ZNF71: variants seen among roughly 807,000 people sequenced by gnomAD.
ZNF71 encodes endothelial zinc finger protein induced by tumor necrosis factor alpha.
Under a neutral mutation model 6.7 loss-of-function variants are expected in ZNF71, and 3 were observed. That is an observed-to-expected ratio of 0.45 (90% confidence interval 0.20 to 1.16). The LOEUF (loss-of-function observed/expected upper bound fraction) is 1.16. Among genes scored for constraint, ZNF71 ranks in the 50% most tolerant of loss-of-function variants. The pLI, the probability that ZNF71 is intolerant of heterozygous loss-of-function variation, is 0.25. For synonymous variants in ZNF71, 343 were observed against 311.1 expected, an observed-to-expected ratio of 1.10 and a Z score of -1.08; for missense variants, 688 against 728.6, an observed-to-expected ratio of 0.94 and a Z score of 0.64.
rs568975591 is a variant in ZNF71, at chr19:56,622,766, G to C, written c.*9G>C. Reference sequence around the variant, plus strand: ...TGCGGATTCACACCTGAGCGCCTCTGTGCAGGGCTCTCACTGGCGGTGCCC... The same window carrying C: ...TGCGGATTCACACCTGAGCGCCTCTCTGCAGGGCTCTCACTGGCGGTGCCC... On this transcript the variant is annotated 3_prime_UTR_variant, in exon 4 of 4. Transcript: ENST00000599599. The C allele has an allele frequency of 4.4e-6, 7 of 1,581,904 alleles. No homozygotes were observed. Among genetic ancestry groups the C allele is most frequent in the Admixed American group, 3.5e-5 (2 of 57,886 alleles).
rs8110702 is a variant in ZNF71 at position 56,613,230 on chromosome 19, A to G, written c.34-582A>G. On this transcript the variant is annotated intron_variant, in intron 2 of 3. Transcript: ENST00000599599. This position sits in a 1 kb window ranked among gnomAD's most constrained non-coding sequence, Gnocchi z 4.6. ...CCCAGAATCTCCCACTAAAGACCCA[A>G]CCACCAGTTCTCTTCACAGACTACT... is the stretch of plus-strand genomic sequence containing the variant. Among the ~76,000 whole-genome samples the G allele has an allele frequency of 0.27, 40,388 of 152,034 alleles. 6,499 individuals carry two copies. Among genetic ancestry groups the G allele is most frequent in the East Asian group, 0.66 (3,373 of 5,138 alleles).
At chr19:56,617,112 G>GTTTTTGTTTT (rs2044800185) in intron 3 of ZNF71, among the ~76,000 whole-genome samples, 1 of 140,646 alleles carries the variant, frequency 7.1e-6, no homozygotes, top group Non-Finnish European at 1.5e-5. Flanking sequence ...ATTTTCTTTT[G>GTTTTTGTTTT]TTTTTTTTTG....
chr19:56,613,237 G>A lies in ZNF71; in HGVS notation c.34-575G>A, dbSNP rs1052608588. On this transcript the variant is annotated intron_variant, in intron 2 of 3. Transcript: ENST00000599599. This position sits in a 1 kb window ranked among gnomAD's most constrained non-coding sequence, Gnocchi z 4.6. The stretch of plus-strand genomic sequence containing the variant: ...TCTCCCACTAAAGACCCAACCACCA[G>A]TTCTCTTCACAGACTACTCAAAGTC... 6.6e-6 allele frequency among the ~76,000 whole-genome samples: 1 copy of A among 152,184 alleles called. No individual in the cohort carries two copies. The highest frequency in any genetic ancestry group is 2.4e-5 in the African/African-American group (1 of 41,442).
Position 56,622,160 on chromosome 19 carries a change from G to T in ZNF71, c.1053G>T (p.Thr351=). The T allele has an allele frequency of 1.2e-6, 2 of 1,611,780 alleles. No individual in the cohort carries two copies. The highest frequency in any genetic ancestry group is 8.5e-7 in the Non-Finnish European group (1 of 1,179,374). The stretch of plus-strand genomic sequence containing the variant: ...TGCACCTGACCGAGCACCAGCGCAC[G>T]CACACCGGGGAGAAGCCGTACGCCT... ...QNMHLTEHQR[T]HTGEKPYACK... The change falls in exon 4 of 4, where the codon ACG becomes ACT. Residue 351 remains threonine, a synonymous_variant. Coordinates refer to ENST00000599599, the MANE Select transcript of ZNF71 (RefSeq NM_001370215.1).
In ZNF71 at chr19:56,621,352, CG is replaced by C. The variant is rs768627914; in HGVS notation, c.251del (p.Gly84AspfsTer45). On this transcript the variant is annotated frameshift_variant, in exon 4 of 4. Transcript: ENST00000599599. LOFTEE classifies it low-confidence loss of function (END_TRUNC). ...EDKLSVVGEA[T>X]GGPTRNGARG... ...AAGCTCTCCGTTGTTGGGGAGGCCA[CG>C]GGGGGACCCACGAGGAATGGTGCCA... 3.2e-6 allele frequency: 5 copies of C among 1,570,622 alleles called. No homozygotes were observed. The highest frequency in any genetic ancestry group is 4.3e-6 in the Non-Finnish European group (5 of 1,157,554).
chr19:56,595,890 T>TGTGTGTGTGTGTGTGA, intron 1 of ZNF71, among the ~76,000 whole-genome samples: 1 of 145,714 alleles, frequency 6.9e-6, no homozygotes, highest in Non-Finnish European at 1.5e-5. Context: ...TGTGTGTGTA[T>TGTGTGTGTGTGTGTGA]GAGACAGAGA....
At chr19:56,600,147 G>A (rs1267531914) in intron 1 of ZNF71, among the ~76,000 whole-genome samples, 2 of 142,302 alleles carry the variant, frequency 1.4e-5, no homozygotes, top group African/African-American at 5.5e-5. Flanking sequence ...CCAGGCTGGA[G>A]TGCAGTGGTG....
chr19:56,606,003 T>C (rs2148008532), intron 2 of ZNF71, among the ~76,000 whole-genome samples: 2 of 152,188 alleles, frequency 1.3e-5, no homozygotes, highest in East Asian at 3.9e-4. Flanking sequence ...TGCCTCAGTC[T>C]CCCCCTTTGT....
In ZNF71 at chr19:56,621,721, T is replaced by C; in HGVS notation, c.614T>C (p.Leu205Pro). The change falls in exon 4 of 4, where the codon CTG (leucine) becomes CCG (proline). Residue 205 changes from leucine (L) to proline (P), a missense_variant. By Grantham distance (98) the Leu-to-Pro change is moderately conservative. Transcript: ENST00000599599. ...CGKAFSRSSS[L>P]IKHQRIHTGE... ...AAGGCCTTTAGCCGAAGCTCGTCCC[T>C]GATAAAGCACCAAAGGATCCACACG... 6.2e-7 allele frequency: 1 copy of C among 1,614,002 alleles called. No homozygotes were observed. The highest frequency in any genetic ancestry group is 8.5e-7 in the Non-Finnish European group (1 of 1,180,018).
intron 1 of ZNF71, among the ~76,000 whole-genome samples, chr19:56,597,877 A>G (rs937097858): frequency 1.3e-5 from 2 of 152,082 alleles, no homozygotes; most frequent in Non-Finnish European, 2.9e-5. Context: ...TTCCAGAAAA[A>G]TGTTGAGCGA....
At chr19:56,614,049 A>G (rs969629568) in intron 3 of ZNF71, 111 bp downstream of exon 3, 1 of 938,748 alleles carries the variant, frequency 1.1e-6, no homozygotes, top group Non-Finnish European at 1.3e-6. Context: ...AAGTTTTAAA[A>G]TTTGCTCTAC....
At chr19:56,601,713 A>G in intron 2 of ZNF71, 122 bp downstream of exon 2, 1 of 586,190 alleles carries the variant, frequency 1.7e-6, no homozygotes, top group Non-Finnish European at 2.2e-6. Context: ...GTCTGCCCTG[A>G]TGAAGAGGGC....
chr19:56,620,211 C>A (rs894575804), intron 3 of ZNF71, among the ~76,000 whole-genome samples: 1 of 152,228 alleles, frequency 6.6e-6, no homozygotes, highest in Non-Finnish European at 1.5e-5. Flanking sequence ...AGGGCAGGTG[C>A]GTGATGAGCT....
At chr19:56,602,008 A>G (rs1198677718) in intron 2 of ZNF71, among the ~76,000 whole-genome samples, 1 of 152,250 alleles carries the variant, frequency 6.6e-6, no homozygotes, top group African/African-American at 2.4e-5. Context: ...AAATTCACCC[A>G]TGATTTTACC....
intron 2 of ZNF71, among the ~76,000 whole-genome samples, chr19:56,605,190 A>G (rs577059140): frequency 1.3e-5 from 2 of 152,300 alleles, no homozygotes; most frequent in Middle Eastern, 3.4e-3. Flanking sequence ...GGTACATCTC[A>G]TATGCTCTGT....
At chr19:56,620,231 C>T (rs371156068) in intron 3 of ZNF71, among the ~76,000 whole-genome samples, 14 of 152,218 alleles carry the variant, frequency 9.2e-5, no homozygotes, top group South Asian at 6.2e-4. Flanking sequence ...TAGCGGGAGC[C>T]GGAGCCCCAG....
At position 56,603,797 on chromosome 19, in the gene ZNF71, T is replaced by TTA. The variant is rs1555775084; in HGVS notation, c.33+2206_33+2207insTA. Reference sequence around the variant, plus strand: ...TTTTGGTTTAAGTTTTTTTTTTTTTTAATTACTACTAGTGTAATTACATTC... The same window carrying TTA: ...TTTTGGTTTAAGTTTTTTTTTTTTTTTAAATTACTACTAGTGTAATTACATTC... On this transcript the variant is annotated intron_variant, in intron 2 of 3. Coordinates refer to ENST00000599599, the MANE Select transcript of ZNF71 (RefSeq NM_001370215.1). This position sits in a 1 kb window ranked among gnomAD's most constrained non-coding sequence, Gnocchi z 4.6. 2.0e-5 allele frequency among the ~76,000 whole-genome samples: 3 copies of TTA among 149,792 alleles called. No individual in the cohort carries two copies. Among genetic ancestry groups the TTA allele is most frequent in the African/African-American group, 7.4e-5 (3 of 40,522 alleles).
At chr19:56,610,301 C>A (rs2044742217) in intron 2 of ZNF71, 1 of 152,232 alleles carries the variant, frequency 6.6e-6, no homozygotes, top group African/African-American at 2.4e-5. Context: ...AGGTCTGCGC[C>A]TGTATAAGCA....
At position 56,605,305 on chromosome 19, in the gene ZNF71, A is replaced by G. The variant is rs542179972; in HGVS notation, c.33+3714A>G. On this transcript the variant is annotated intron_variant, in intron 2 of 3. Transcript: ENST00000599599. ...GGACACAATAGGTCTCTCATTACTC[A>G]CATGCCATGCTGTGAGGAAGCCCAA... Among the ~76,000 whole-genome samples the G allele has an allele frequency of 5.3e-5, 8 of 152,200 alleles. No individual in the cohort carries two copies. In the East Asian group the frequency reaches 1.6e-3, roughly 30 times the overall value.
Sources: gnomAD v4.1 joint callset for allele counts (sites outside exome capture counted in the v4.1 genomes callset) on GRCh38, gnomAD v4.1.1 for gene constraint, Gnocchi (gnomAD v3.1) non-coding constraint, MANE v1.5 for transcripts, NCBI Gene and HGNC (gene_info 2026-07-23, HGNC 2026-07-21) for gene names.